The following NCKAP5 variants were observed in gnomAD, a reference collection of about 807,000 sequenced individuals.
The protein encoded by NCKAP5 is NCK associated protein 5.
Under a neutral mutation model 167.0 loss-of-function variants are expected in NCKAP5, and 92 were observed. That is an observed-to-expected ratio of 0.55 (90% CI 0.47 to 0.66). The LOEUF (loss-of-function observed/expected upper bound fraction) is 0.66. Among genes scored for constraint, NCKAP5 ranks in the 30% least tolerant of loss-of-function variants. NCKAP5 has a pLI of 0.00. For missense variants in NCKAP5, 2,378 were observed against 2,315.0 expected (o/e 1.03, Z -0.56); for synonymous variants, 891 against 877.4 (o/e 1.02, Z -0.27).
intron 16 of NCKAP5, among the ~76,000 whole-genome samples, chr2:132,766,870 T>C (rs1681541158): frequency 6.6e-6 from 1 of 152,210 alleles, no homozygotes; most frequent in Non-Finnish European, 1.5e-5. Flanking sequence ...CTGTACATCA[T>C]ATGACTATTT....
At chr2:132,861,537 G>C (rs2148718416) in intron 10 of NCKAP5, among the ~76,000 whole-genome samples, 1 of 152,114 alleles carries the variant, frequency 6.6e-6, no homozygotes, top group Non-Finnish European at 1.5e-5. Context: ...ACCAAGCAGA[G>C]AACAAAGGTC....
At chr2:133,528,608 C>T (rs1307780286) in intron 2 of NCKAP5, among the ~76,000 whole-genome samples, 4 of 152,170 alleles carry the variant, frequency 2.6e-5, no homozygotes, top group Admixed American at 1.3e-4. Flanking sequence ...CATGTAATAG[C>T]GGAATTCCAA....
intron 11 of NCKAP5, among the ~76,000 whole-genome samples, chr2:132,859,799 G>T (rs1216069834): frequency 6.6e-6 from 1 of 152,174 alleles, no homozygotes. Flanking sequence ...GGATCACAAA[G>T]ATCGGAAACA....
In NCKAP5 at chr2:132,955,891, C is replaced by T. The variant is rs1033985907; in HGVS notation, c.579+7829G>A. Among the ~76,000 whole-genome samples, 54 of 152,174 alleles carry T rather than the reference C, an allele frequency of 3.5e-4. 1 individual carries two copies. The highest frequency in any genetic ancestry group is 1.2e-3 in the African/African-American group (49 of 41,508). The stretch of plus-strand genomic sequence containing the variant: ...GACATCTCATTGTGGTTTTGATTTG[C>T]GTTTCTCTAATGATCAGTGATGGTG... On this transcript the variant is annotated intron_variant, in intron 8 of 19. Transcript: ENST00000409261.
intron 4 of NCKAP5, among the ~76,000 whole-genome samples, chr2:133,236,070 C>CAAAAAAAA (rs527705526): frequency 0.015 from 238 of 15,664 alleles, 46 homozygotes; most frequent in African/African-American, 0.03. Context: ...TGTCTCAGAC[C>CAAAAAAAA]AAAAAAAAAA....
At chr2:133,166,298 T>C (rs972021116) in intron 5 of NCKAP5, among the ~76,000 whole-genome samples, 9 of 152,250 alleles carry the variant, frequency 5.9e-5, no homozygotes, top group Admixed American at 4.6e-4. Context: ...GCCTGGTTCA[T>C]ACTTTATAGA....
chr2:132,716,337 A>G (rs1001819890), intron 19 of NCKAP5, among the ~76,000 whole-genome samples: 2 of 152,186 alleles, frequency 1.3e-5, no homozygotes, highest in African/African-American at 4.8e-5. Context: ...GAGGAGACAC[A>G]CAAATTTTCA....
intron 8 of NCKAP5, among the ~76,000 whole-genome samples, chr2:132,896,533 T>C (rs1424401485): frequency 6.6e-6 from 1 of 152,194 alleles, no homozygotes; most frequent in Non-Finnish European, 1.5e-5. Context: ...TAGTTTCTTA[T>C]CGAGGGCTGG....
intron 3 of NCKAP5, among the ~76,000 whole-genome samples, chr2:133,315,740 CCCAAATTGGCCA>C (rs896742511): frequency 6.6e-6 from 1 of 152,070 alleles, no homozygotes; most frequent in Non-Finnish European, 1.5e-5. Context: ...AAGACAGGCC[CCCAAATTGGCCA>C]CCAAATTGGC....
chr2:133,148,701 T>A (rs1321857418), intron 5 of NCKAP5, among the ~76,000 whole-genome samples: 1 of 152,130 alleles, frequency 6.6e-6, no homozygotes, highest in Admixed American at 6.5e-5. Context: ...GATGGACACC[T>A]GCCCACTGTA....
chr2:132,864,235 C>T (rs1221981912), intron 10 of NCKAP5, among the ~76,000 whole-genome samples: 1 of 151,904 alleles, frequency 6.6e-6, no homozygotes, highest in East Asian at 1.9e-4. Context: ...TATCAGACCT[C>T]AAGAAAGAAC....
chr2:132,833,636 T>A (rs2105377865), intron 11 of NCKAP5, among the ~76,000 whole-genome samples: 1 of 152,348 alleles, frequency 6.6e-6, no homozygotes, highest in South Asian at 2.1e-4. Flanking sequence ...ATCCAATGCA[T>A]GCTCTTGTCA....
At position 132,785,550 on chromosome 2, in the gene NCKAP5, T is replaced by C; in HGVS notation, c.1261A>G (p.Ile421Val). The change falls in exon 14 of 20, where the codon ATA becomes GTA. Residue 421 changes from isoleucine to valine, a missense_variant. Ile to Val is a conservative substitution (Grantham distance 29). Transcript: ENST00000409261. ...RKVLLEPPSV[I>V]TKWGYKDCMN... ...CAATCTTTATAACCCCATTTGGTTA[T>C]CACTGATGGGGGTTCAAGTAACACT... The C allele has an allele frequency of 6.2e-7, 1 of 1,604,266 alleles. No homozygotes were observed. Among genetic ancestry groups the C allele is most frequent in the Middle Eastern group, 1.7e-4 (1 of 5,998 alleles).
At chr2:133,095,700 T>C (rs545101882) in intron 6 of NCKAP5, among the ~76,000 whole-genome samples, 144 of 152,328 alleles carry the variant, frequency 9.5e-4, no homozygotes, top group African/African-American at 3.4e-3. Context: ...CATTTTGAGA[T>C]GGTTAGTATA....
At chr2:132,808,727 A>G (rs1173176450) in intron 11 of NCKAP5, among the ~76,000 whole-genome samples, 1 of 151,926 alleles carries the variant, frequency 6.6e-6, no homozygotes, top group Non-Finnish European at 1.5e-5. Context: ...TGTTTCATTT[A>G]TCTTTTCATC....
At chr2:132,772,741 G>A (rs567759569) in intron 16 of NCKAP5, among the ~76,000 whole-genome samples, 1 of 152,262 alleles carries the variant, frequency 6.6e-6, no homozygotes, top group East Asian at 1.9e-4. Flanking sequence ...TCCCAATTAC[G>A]AATGAAAAGA....
intron 6 of NCKAP5, among the ~76,000 whole-genome samples, chr2:133,015,359 C>G (rs1346290405): frequency 6.6e-6 from 1 of 151,116 alleles, no homozygotes; most frequent in African/African-American, 2.4e-5. Context: ...GAACCGAACT[C>G]TTTTTTTTTT....
At chr2:133,257,205 C>A (rs2088660851) in intron 4 of NCKAP5, among the ~76,000 whole-genome samples, 1 of 152,156 alleles carries the variant, frequency 6.6e-6, no homozygotes, top group African/African-American at 2.4e-5. Flanking sequence ...TAAAGAAACA[C>A]AGCTGAAGGT....
intron 3 of NCKAP5, among the ~76,000 whole-genome samples, chr2:133,420,550 C>T (rs760198423): frequency 6.6e-6 from 1 of 152,092 alleles, no homozygotes; most frequent in African/African-American, 2.4e-5. Flanking sequence ...GTGCACAACT[C>T]TGAGAATAGT....
Sources: allele counts gnomAD v4.1 joint callset (sites outside exome capture counted in the v4.1 genomes callset), GRCh38; gene constraint gnomAD v4.1.1; transcripts MANE v1.5; gene names NCBI Gene and HGNC (gene_info 2026-07-23, HGNC 2026-07-21).